Variants in KCNIP4 observed in about 807,000 individuals in gnomAD.
KCNIP4 encodes the protein Kv channel-interacting protein 4.
KCNIP4 carries 12 observed loss-of-function variants against 34.0 expected under a neutral mutation model. The observed-to-expected ratio is 0.35, with a 90% CI of 0.23 to 0.57. KCNIP4 has a LOEUF of 0.57. Ranked by LOEUF, KCNIP4 falls within the 20% of genes least tolerant of loss-of-function variation. The probability of loss-of-function intolerance (pLI) is 0.83; values close to 1 mark genes in which losing one functional copy is unlikely to be tolerated. For missense variants in KCNIP4, 238 were observed against 311.7 expected (o/e 0.76, Z 1.78); for synonymous variants, 124 against 102.2 (o/e 1.21, Z -1.29).
At chr4:21,837,608 A>G (rs538577524) in intron 1 of KCNIP4, among the ~76,000 whole-genome samples, 3 of 151,970 alleles carry the variant, frequency 2.0e-5, no homozygotes, top group Admixed American at 6.5e-5. Flanking sequence ...AAAGAAAAAA[A>G]ATTGACAACT....
intron 1 of KCNIP4, among the ~76,000 whole-genome samples, chr4:21,481,999 T>C (rs1731468482): frequency 6.6e-6 from 1 of 152,136 alleles, no homozygotes; most frequent in Non-Finnish European, 1.5e-5. Context: ...TGCTCCTGTA[T>C]TGGGTGCATA....
At chr4:21,266,461 C>A (rs1406306892) in intron 1 of KCNIP4, among the ~76,000 whole-genome samples, 3 of 152,042 alleles carry the variant, frequency 2.0e-5, no homozygotes, top group Non-Finnish European at 4.4e-5. Flanking sequence ...ATAGCAGTTA[C>A]CTGTTAACAG....
intron 1 of KCNIP4, among the ~76,000 whole-genome samples, chr4:21,791,385 C>T (rs549667683): frequency 7.2e-5 from 11 of 151,992 alleles, no homozygotes; most frequent in Admixed American, 2.0e-4. Context: ...ACAGGAATTG[C>T]GGGGCAGAAG....
intron 1 of KCNIP4, among the ~76,000 whole-genome samples, chr4:20,905,972 T>C (rs534445814): frequency 6.6e-6 from 1 of 152,090 alleles, no homozygotes; most frequent in Non-Finnish European, 1.5e-5. Flanking sequence ...CATACAAATT[T>C]TGAGGGACAC....
intron 1 of KCNIP4, among the ~76,000 whole-genome samples, chr4:21,289,478 A>C (rs1240906060): frequency 6.6e-6 from 1 of 152,198 alleles, no homozygotes; most frequent in Non-Finnish European, 1.5e-5. Flanking sequence ...TGCAAATTGC[A>C]TCAATTTGAA....
intron 1 of KCNIP4, among the ~76,000 whole-genome samples, chr4:20,957,565 G>A (rs1733438354): frequency 7.2e-6 from 1 of 139,812 alleles, no homozygotes; most frequent in Non-Finnish European, 1.5e-5. Flanking sequence ...CCTATGTCCT[G>A]CTGCTAATCT....
chr4:21,406,528 T>A (rs544311272), intron 1 of KCNIP4, among the ~76,000 whole-genome samples: 1 of 152,300 alleles, frequency 6.6e-6, no homozygotes, highest in Non-Finnish European at 1.5e-5. Context: ...TTTTATTAAA[T>A]CACAACTCGA....
At chr4:21,306,456 A>G (rs570833451) in intron 1 of KCNIP4, among the ~76,000 whole-genome samples, 1 of 152,294 alleles carries the variant, frequency 6.6e-6, no homozygotes, top group Admixed American at 6.5e-5. Flanking sequence ...AGCTCACTAC[A>G]GCCTTAACCT....
chr4:21,171,722 A>G (rs1266971110), intron 1 of KCNIP4, among the ~76,000 whole-genome samples: 1 of 152,118 alleles, frequency 6.6e-6, no homozygotes, highest in African/African-American at 2.4e-5. Flanking sequence ...TAGAATAGGA[A>G]TAGTCATAGT....
chr4:21,038,844 T>C (rs1741690412), intron 1 of KCNIP4, among the ~76,000 whole-genome samples: 1 of 152,092 alleles, frequency 6.6e-6, no homozygotes, highest in African/African-American at 2.4e-5. Context: ...AGTGAAAGAG[T>C]TGAGATTCCC....
Position 21,876,954 on chromosome 4 carries a change from G to T in KCNIP4, c.61+71617C>A, listed in dbSNP as rs535697392. Among the ~76,000 whole-genome samples the T allele has an allele frequency of 6.6e-5, 10 of 151,886 alleles. No individual in the cohort carries two copies. In the East Asian group the frequency reaches 1.9e-3, roughly 30 times the overall value. On this transcript the variant is annotated intron_variant, in intron 1 of 8. Coordinates refer to ENST00000382152, the MANE Select transcript of KCNIP4 (RefSeq NM_025221.6). Reference sequence around the variant, plus strand: ...CTAGTGGCCAGACAATCTTAGACAGGCACCACTCAATTGCCTGGATTAGGA... The same window carrying T: ...CTAGTGGCCAGACAATCTTAGACAGTCACCACTCAATTGCCTGGATTAGGA...
chr4:21,859,848 T>G lies in KCNIP4; in HGVS notation c.61+88723A>C, dbSNP rs568314873. Among the ~76,000 whole-genome samples, 449 of 151,618 alleles carry G rather than the reference T, an allele frequency of 3.0e-3. 1 individual carries two copies. The highest frequency in any genetic ancestry group is 5.5e-3 in the Non-Finnish European group (374 of 67,868). On this transcript the variant is annotated intron_variant, in intron 1 of 8. Coordinates refer to ENST00000382152, the MANE Select transcript of KCNIP4 (RefSeq NM_025221.6). ...GTTGGAGACTAGCCAGGCAACAGAG[T>G]GAGACTTATCTCTACAAATAATAAC...
chr4:21,125,165 G>T (rs1228294236), intron 1 of KCNIP4, among the ~76,000 whole-genome samples: 1 of 87,096 alleles, frequency 1.1e-5, no homozygotes, highest in Non-Finnish European at 2.6e-5. Flanking sequence ...ATCAGCAGGA[G>T]GGCTTTTTTT....
intron 1 of KCNIP4, among the ~76,000 whole-genome samples, chr4:21,895,181 T>G (rs756453256): frequency 1.3e-5 from 2 of 152,196 alleles, no homozygotes; most frequent in Non-Finnish European, 2.9e-5. Flanking sequence ...TTGTTTTGTT[T>G]TATTTTCTTC....
intron 1 of KCNIP4, among the ~76,000 whole-genome samples, chr4:21,273,799 C>T (rs1163049437): frequency 6.6e-6 from 1 of 152,154 alleles, no homozygotes; most frequent in African/African-American, 2.4e-5. Flanking sequence ...CTATATACTA[C>T]AGCTGTACCT....
chr4:21,827,167 A>C (rs1359515987), intron 1 of KCNIP4, among the ~76,000 whole-genome samples: 1 of 152,082 alleles, frequency 6.6e-6, no homozygotes, highest in African/African-American at 2.4e-5. Context: ...ACACAAAATA[A>C]ATTCCATTTG....
intron 1 of KCNIP4, among the ~76,000 whole-genome samples, chr4:21,912,019 A>C (rs1486616100): frequency 6.6e-6 from 1 of 152,026 alleles, no homozygotes; most frequent in African/African-American, 2.4e-5. Flanking sequence ...ACATTTCTTT[A>C]TCTCTTTTAC....
chr4:21,556,454 A>T (rs548115750), intron 1 of KCNIP4, among the ~76,000 whole-genome samples: 16 of 152,266 alleles, frequency 1.1e-4, no homozygotes, highest in African/African-American at 3.9e-4. Flanking sequence ...AGGAATTGCA[A>T]ACCAAATTTA....
Position 21,622,171 on chromosome 4 carries a change from A to T in KCNIP4, c.61+326400T>A, listed in dbSNP as rs565490686. ...TGTCAATCACTGTCACCAGGTAGCA[A>T]CTACCAGGTAATTATTCACAGATGT... On this transcript the variant is annotated intron_variant, in intron 1 of 8. Transcript: ENST00000382152. Among the ~76,000 whole-genome samples the T allele has an allele frequency of 2.6e-5, 4 of 152,296 alleles. No homozygotes were observed. The Middle Eastern group carries it at 0.01, about 389-fold the overall frequency.
Sources: gnomAD v4.1 joint callset for allele counts (sites outside exome capture counted in the v4.1 genomes callset) on GRCh38, gnomAD v4.1.1 for gene constraint, MANE v1.5 for transcripts, NCBI Gene and HGNC (gene_info 2026-07-23, HGNC 2026-07-21) for gene names.